The following LRP1B variants were observed in gnomAD, a reference collection of about 807,000 sequenced individuals.
LRP1B encodes the protein LDL receptor related protein 1B.
In LRP1B, 217 loss-of-function variants were observed where a neutral mutation model predicts 556.6. The observed-to-expected ratio is 0.39, with a 90% CI of 0.35 to 0.44. LRP1B has a LOEUF of 0.44. Ranked by LOEUF, LRP1B falls within the 20% of genes least tolerant of loss-of-function variation. The pLI is 1.00. For missense variants in LRP1B, 5,053 were observed against 5,620.8 expected (o/e 0.90, Z 3.23); for synonymous variants, 2,047 against 1,865.8 (o/e 1.10, Z -2.50).
chr2:141,568,020 C>T (rs1686396317), intron 2 of LRP1B, among the ~76,000 whole-genome samples: 2 of 150,584 alleles, frequency 1.3e-5, no homozygotes, highest in African/African-American at 4.8e-5. Flanking sequence ...AGGCTTTCAA[C>T]AAACATTTAC....
intron 2 of LRP1B, among the ~76,000 whole-genome samples, chr2:141,694,098 G>A (rs12990290): frequency 1.4e-4 from 21 of 152,062 alleles, no homozygotes; most frequent in South Asian, 1.2e-3. Context: ...AGTGGTCCAC[G>A]GTCTGCCATT....
At chr2:141,214,030 T>A (rs1471555018) in intron 6 of LRP1B, among the ~76,000 whole-genome samples, 2 of 152,222 alleles carry the variant, frequency 1.3e-5, no homozygotes, top group Non-Finnish European at 2.9e-5. Context: ...TATTATTTTT[T>A]ACTGTTTTGT....
chr2:140,533,205 T>G (rs889405774), intron 47 of LRP1B, among the ~76,000 whole-genome samples: 2 of 151,504 alleles, frequency 1.3e-5, no homozygotes, highest in African/African-American at 4.9e-5. Context: ...ATTAAAAGTT[T>G]CTTTATCAAT....
At chr2:141,531,257 G>C (rs1308073643) in intron 2 of LRP1B, among the ~76,000 whole-genome samples, 1 of 151,760 alleles carries the variant, frequency 6.6e-6, no homozygotes, top group Non-Finnish European at 1.5e-5. Context: ...AAAAGGACTT[G>C]ATATTTACTA....
chr2:140,446,982 C>A (rs1686686699), intron 63 of LRP1B, among the ~76,000 whole-genome samples: 1 of 150,780 alleles, frequency 6.6e-6, no homozygotes, highest in African/African-American at 2.4e-5. Flanking sequence ...GAAAAAAAAA[C>A]TCACTGAAAA....
chr2:141,807,276 TTTC>T lies in LRP1B; in HGVS notation c.205+3000_205+3002del, dbSNP rs1402271218. On this transcript the variant is annotated intron_variant, in intron 2 of 90. Coordinates refer to ENST00000389484, the MANE Select transcript of LRP1B (RefSeq NM_018557.3). ...ACTGATATTTTCATAACGCTTTTTT[TTTC>T]TATGCATGTCCAAATTTCAATTGGT... 2.0e-4 allele frequency among the ~76,000 whole-genome samples: 30 copies of T among 152,216 alleles called. 1 individual carries two copies. The highest frequency in any genetic ancestry group is 1.0e-3 in the Admixed American group (16 of 15,268).
rs558134859 is a variant in LRP1B at position 140,231,923 on chromosome 2, C to T, written c.*1263G>A. On this transcript the variant is annotated 3_prime_UTR_variant, in exon 91 of 91. Coordinates refer to ENST00000389484, the MANE Select transcript of LRP1B (RefSeq NM_018557.3). ...AATGCTATCCTTTTATTTTTATATA[C>T]AACTTAAATAAATCGCACTCGTTTC... 19 of 151,762 alleles carry T rather than the reference C, an allele frequency of 1.3e-4. No individual in the cohort carries two copies. Among genetic ancestry groups the T allele is most frequent in the Admixed American group, 2.6e-4 (4 of 15,118 alleles). 9.4% of individuals were successfully genotyped at this position (151,762 alleles called of 1,614,324 possible).
intron 59 of LRP1B, among the ~76,000 whole-genome samples, chr2:140,478,075 C>G (rs920118537): frequency 6.6e-6 from 1 of 151,730 alleles, no homozygotes; most frequent in Admixed American, 6.6e-5. Context: ...TCTTCACAAC[C>G]ACCTTATAAA....
At chr2:140,415,266 T>C (rs1235921681) in intron 66 of LRP1B, among the ~76,000 whole-genome samples, 3 of 150,092 alleles carry the variant, frequency 2.0e-5, no homozygotes, top group African/African-American at 7.2e-5. Context: ...GTGATCTTTG[T>C]TGGACCCTTA....
At chr2:141,692,066 A>G (rs1035863581) in intron 2 of LRP1B, among the ~76,000 whole-genome samples, 4 of 151,982 alleles carry the variant, frequency 2.6e-5, no homozygotes, top group Admixed American at 1.3e-4. Flanking sequence ...TCTGAATTCT[A>G]TAACTCCTCT....
At chr2:140,654,059 A>AGTTTAACT (rs1472961366) in intron 41 of LRP1B, among the ~76,000 whole-genome samples, 2 of 147,168 alleles carry the variant, frequency 1.4e-5, no homozygotes, top group African/African-American at 2.5e-5. Context: ...AAAGAGAGAG[A>AGTTTAACT]GTTTAACTAC....
intron 1 of LRP1B, among the ~76,000 whole-genome samples, chr2:141,965,818 ATTGT>A (rs1701547936): frequency 6.7e-6 from 1 of 148,986 alleles, no homozygotes; most frequent in East Asian, 2.0e-4. Flanking sequence ...AAAAAAGAAA[ATTGT>A]TTTTTTTTTA....
At chr2:142,022,591 G>C (rs529695831) in intron 1 of LRP1B, among the ~76,000 whole-genome samples, 1 of 152,174 alleles carries the variant, frequency 6.6e-6, no homozygotes, top group East Asian at 1.9e-4. Context: ...TTCTCATTAA[G>C]CCATGTGAAA....
chr2:140,302,626 C>A lies in LRP1B; in HGVS notation c.12806-4657G>T, dbSNP rs188781802. Among the ~76,000 whole-genome samples, 398 of 152,168 alleles carry A rather than the reference C, an allele frequency of 2.6e-3. 2 individuals carry two copies. The highest frequency in any genetic ancestry group is 9.2e-3 in the African/African-American group (382 of 41,502). ...GAGATTGGCATTGGAATCAGCAGAC[C>A]AAGTAAGAAAGATATTTCCTCACCA... is the stretch of plus-strand genomic sequence containing the variant. On this transcript the variant is annotated intron_variant, in intron 83 of 90. Transcript: ENST00000389484.
chr2:141,846,302 G>A (rs1177453696), intron 1 of LRP1B, among the ~76,000 whole-genome samples: 1 of 151,424 alleles, frequency 6.6e-6, no homozygotes, highest in East Asian at 1.9e-4. Flanking sequence ...ATAACTTTCT[G>A]GGAAAATATA....
intron 3 of LRP1B, among the ~76,000 whole-genome samples, chr2:141,304,532 T>C (rs2105436562): frequency 7.1e-6 from 1 of 141,794 alleles, no homozygotes; most frequent in South Asian, 2.3e-4. Context: ...CAGGCTCAAG[T>C]ACAGTGGCGT....
At chr2:141,075,783 T>C (rs972590438) in intron 7 of LRP1B, among the ~76,000 whole-genome samples, 1 of 152,208 alleles carries the variant, frequency 6.6e-6, no homozygotes, top group Non-Finnish European at 1.5e-5. Flanking sequence ...TTCACTGCTA[T>C]GCTAATTACC....
At chr2:141,578,295 G>T (rs899812181) in intron 2 of LRP1B, among the ~76,000 whole-genome samples, 1 of 151,868 alleles carries the variant, frequency 6.6e-6, no homozygotes, top group Non-Finnish European at 1.5e-5. Flanking sequence ...TACTCAGGAG[G>T]CTGAGGCAGG....
intron 32 of LRP1B, among the ~76,000 whole-genome samples, chr2:140,801,302 C>T (rs936052956): frequency 6.6e-5 from 10 of 152,068 alleles, no homozygotes; most frequent in African/African-American, 2.4e-4. Context: ...GCAGACATAG[C>T]CTTGAAACGT....
Sources: allele counts gnomAD v4.1 joint callset (sites outside exome capture counted in the v4.1 genomes callset), GRCh38; gene constraint gnomAD v4.1.1; transcripts MANE v1.5; gene names NCBI Gene and HGNC (gene_info 2026-07-23, HGNC 2026-07-21).